Variants in DGKB observed in about 807,000 individuals in gnomAD.
DGKB encodes diacylglycerol kinase beta.
A neutral mutation model predicts 114.3 loss-of-function variants in DGKB; 67 were observed. That is an observed-to-expected ratio of 0.59 (90% CI 0.48 to 0.72). DGKB has a LOEUF of 0.72. Ranked by LOEUF, DGKB falls within the 30% of genes least tolerant of loss-of-function variation. DGKB has a pLI of 0.00. For missense variants in DGKB, 907 were observed against 975.2 expected (o/e 0.93, Z 0.93); for synonymous variants, 398 against 323.1 (o/e 1.23, Z -2.49).
In DGKB at chr7:14,145,378, A is replaced by C. The variant is rs1459358683; in HGVS notation, c.*3753T>G. 5 of 152,164 alleles carry C rather than the reference A, an allele frequency of 3.3e-5. No homozygotes were observed. The highest frequency in any genetic ancestry group is 1.2e-4 in the African/African-American group (5 of 41,440). The allele number at this position is 152,164 out of a possible 1,614,324, so 9.4% of individuals were successfully genotyped here. Reference sequence around the variant, plus strand: ...AGTTATTTGAAAAATAACGGAGAACATGATTCAATATTATTCAATTATTAT... The same window carrying C: ...AGTTATTTGAAAAATAACGGAGAACCTGATTCAATATTATTCAATTATTAT... On this transcript the variant is annotated 3_prime_UTR_variant, in exon 26 of 26. Coordinates refer to ENST00000402815, the MANE Select transcript of DGKB (RefSeq NM_001350709.2).
chr7:14,354,332 T>C (rs1186051737), intron 21 of DGKB, among the ~76,000 whole-genome samples: 3 of 152,148 alleles, frequency 2.0e-5, no homozygotes, highest in Non-Finnish European at 4.4e-5. Flanking sequence ...CAATAAGTTT[T>C]AAAAAATAAG....
At chr7:14,615,699 T>A (rs1052796325) in intron 15 of DGKB, among the ~76,000 whole-genome samples, 4 of 151,782 alleles carry the variant, frequency 2.6e-5, no homozygotes, top group Admixed American at 6.6e-5. Flanking sequence ...TAGCAACCAT[T>A]ATTTTACATA....
chr7:14,580,917 C>T lies in DGKB; in HGVS notation c.1554G>A (p.Ala518=), dbSNP rs73680453. 1,068 of 1,604,318 alleles carry T rather than the reference C, an allele frequency of 6.7e-4. 2 individuals are homozygous for T. In the African/African-American group the frequency reaches 0.01, roughly 16 times the overall value. The change falls in exon 19 of 26, where the codon GCG becomes GCA. Residue 518 remains alanine (A), a synonymous_variant. Transcript: ENST00000402815. ...CATTGCCAGTCCCAAGAGGCAGAAT[C>T]GCAACTGGAGGATGCTTGCCTACAT... ...KANVGKHPPV[A]ILPLGTGNDL...
At chr7:14,769,228 G>GAGAAAGAAAGAAAGAAAGAAAGAAAGAA (rs371117893) in intron 2 of DGKB, among the ~76,000 whole-genome samples, 1 of 119,600 alleles carries the variant, frequency 8.4e-6, no homozygotes, top group East Asian at 2.6e-4. Context: ...GAAAGAGAGA[G>GAGAAAGAAAGAAAGAAAGAAAGAAAGAA]AGAAAGAAAG....
At chr7:14,215,250 A>ATGCATGTG (rs1259791928) in intron 23 of DGKB, among the ~76,000 whole-genome samples, 1 of 152,092 alleles carries the variant, frequency 6.6e-6, no homozygotes, top group African/African-American at 2.4e-5. Context: ...TAAGAAAGGA[A>ATGCATGTG]CCTGTAGTAT....
intron 21 of DGKB, among the ~76,000 whole-genome samples, chr7:14,416,621 G>A (rs1462906550): frequency 1.3e-5 from 2 of 151,982 alleles, no homozygotes; most frequent in Admixed American, 6.6e-5. Flanking sequence ...TAAGTCTCAC[G>A]AGATCTGATT....
chr7:14,914,445 G>T lies in DGKB; in HGVS notation c.-188+60251C>A, dbSNP rs117608221. ...TCTTTGGGAAACCCAATAACAAAAC[G>T]AAAGAAAATGAATCTAGGAGAAACT... On this transcript the variant is annotated intron_variant, in intron 1 of 4. Transcript: ENST00000437998. Among the ~76,000 whole-genome samples, 312 of 152,076 alleles carry T rather than the reference G, an allele frequency of 2.1e-3. 1 individual carries two copies. The highest frequency in any genetic ancestry group is 4.0e-3 in the Non-Finnish European group (269 of 67,964).
In DGKB at chr7:14,683,381, G is replaced by C. The variant is rs772083837; in HGVS notation, c.830-540C>G. Among the ~76,000 whole-genome samples, 73 of 152,080 alleles carry C rather than the reference G, an allele frequency of 4.8e-4. 2 individuals are homozygous for C. The highest frequency in any genetic ancestry group is 1.0e-4 in the Non-Finnish European group (7 of 68,008). ...AAATTCATCCTTCACTTGCCATCAT[G>C]GCATCGTTTGTCCAAAAGCAACAGC... is the stretch of plus-strand genomic sequence containing the variant. On this transcript the variant is annotated intron_variant, in intron 10 of 25. Transcript: ENST00000402815.
At chr7:14,202,618 T>C (rs1193010654) in intron 23 of DGKB, among the ~76,000 whole-genome samples, 1 of 152,000 alleles carries the variant, frequency 6.6e-6, no homozygotes, top group Non-Finnish European at 1.5e-5. Context: ...GAACCAAATC[T>C]GTAACAATAT....
At chr7:14,604,032 T>C (rs1395418531) in intron 17 of DGKB, among the ~76,000 whole-genome samples, 2 of 152,144 alleles carry the variant, frequency 1.3e-5, no homozygotes, top group South Asian at 2.1e-4. Flanking sequence ...CATATTGTTA[T>C]ATAAAGCCCA....
At chr7:14,326,348 T>C (rs1023825349) in intron 23 of DGKB, among the ~76,000 whole-genome samples, 16 of 152,024 alleles carry the variant, frequency 1.1e-4, no homozygotes, top group Non-Finnish European at 1.8e-4. Context: ...TTTGGGAAGA[T>C]TGAAAACCAA....
At chr7:14,673,861 T>A (rs1286359807) in intron 12 of DGKB, among the ~76,000 whole-genome samples, 1 of 152,080 alleles carries the variant, frequency 6.6e-6, no homozygotes, top group African/African-American at 2.4e-5. Context: ...TGATATGAAC[T>A]CTTCATACTT....
At chr7:14,506,073 T>C (rs1787003722) in intron 20 of DGKB, among the ~76,000 whole-genome samples, 1 of 152,172 alleles carries the variant, frequency 6.6e-6, no homozygotes, top group African/African-American at 2.4e-5. Flanking sequence ...AATAATCCAG[T>C]TGTGGATTCC....
intron 2 of DGKB, among the ~76,000 whole-genome samples, chr7:14,761,792 G>A (rs903088736): frequency 1.8e-4 from 28 of 152,144 alleles, no homozygotes; most frequent in Non-Finnish European, 3.4e-4. Context: ...TGTCTGTAAT[G>A]GGAGAAAGAA....
At chr7:14,240,432 T>C (rs1012147536) in intron 23 of DGKB, among the ~76,000 whole-genome samples, 1 of 152,108 alleles carries the variant, frequency 6.6e-6, no homozygotes, top group African/African-American at 2.4e-5. Context: ...AAAGCTATCA[T>C]TAAGTGATAA....
intron 25 of DGKB, among the ~76,000 whole-genome samples, chr7:14,150,741 T>C (rs1238128012): frequency 6.6e-6 from 1 of 152,110 alleles, no homozygotes; most frequent in African/African-American, 2.4e-5. Flanking sequence ...AAATGATCTA[T>C]ATCAGATTTT....
At chr7:14,166,094 T>C (rs1477557848) in intron 25 of DGKB, among the ~76,000 whole-genome samples, 1 of 152,180 alleles carries the variant, frequency 6.6e-6, no homozygotes, top group Non-Finnish European at 1.5e-5. Context: ...AGTCTAAAAG[T>C]GTCTTATACT....
intron 21 of DGKB, among the ~76,000 whole-genome samples, chr7:14,398,884 T>C (rs1583645531): frequency 6.6e-6 from 1 of 151,780 alleles, no homozygotes; most frequent in Admixed American, 6.6e-5. Context: ...TTCAGGTTGG[T>C]TGTGGGCCCA....
chr7:14,799,483 TA>T (rs1386304852), intron 2 of DGKB, among the ~76,000 whole-genome samples: 1 of 152,106 alleles, frequency 6.6e-6, no homozygotes, highest in Admixed American at 6.6e-5. Flanking sequence ...TTTCAGAGGG[TA>T]AAAAGTAAAT....
Sources: gnomAD v4.1 joint callset for allele counts (sites outside exome capture counted in the v4.1 genomes callset) on GRCh38, gnomAD v4.1.1 for gene constraint, MANE v1.5 for transcripts, NCBI Gene and HGNC (gene_info 2026-07-23, HGNC 2026-07-21) for gene names.